Variants in CMKLR2 observed in about 807,000 individuals in gnomAD.
CMKLR2 encodes the protein chemerin chemokine-like receptor 2, also known as chemerin-like receptor 2.
In CMKLR2, 18 loss-of-function variants were observed where a neutral mutation model predicts 23.0. The observed-to-expected ratio is 0.78, with a 90% CI of 0.54 to 1.16. CMKLR2 has a LOEUF of 1.16. CMKLR2 is among the 50% of genes most tolerant of loss of function. The probability of loss-of-function intolerance (pLI) is 0.00; values close to 1 mark genes in which losing one functional copy is unlikely to be tolerated. For missense variants in CMKLR2, 401 were observed against 412.7 expected, an observed-to-expected ratio of 0.97 and a Z score of 0.25; for synonymous variants, 158 against 158.9, an observed-to-expected ratio of 0.99 and a Z score of 0.05.
intron 1 of CMKLR2, among the ~76,000 whole-genome samples, chr2:206,187,762 T>G (rs1688626582): frequency 6.6e-6 from 1 of 152,146 alleles, no homozygotes; most frequent in Admixed American, 6.6e-5. Context: ...TATGCATATA[T>G]ACAAGTAGTT....
At chr2:206,197,392 G>A (rs972134492) in intron 1 of CMKLR2, among the ~76,000 whole-genome samples, 1 of 152,176 alleles carries the variant, frequency 6.6e-6, no homozygotes, top group African/African-American at 2.4e-5. Flanking sequence ...CTAAGGGCAA[G>A]GGTACTTTCA....
At chr2:206,191,283 G>T (rs1262856480) in intron 1 of CMKLR2, among the ~76,000 whole-genome samples, 1 of 152,128 alleles carries the variant, frequency 6.6e-6, no homozygotes, top group Non-Finnish European at 1.5e-5. Context: ...TTAAAAAGTG[G>T]TTAGCTCAGT....
intron 1 of CMKLR2, among the ~76,000 whole-genome samples, chr2:206,184,101 C>G (rs2105806093): frequency 1.3e-5 from 2 of 152,264 alleles, no homozygotes; most frequent in South Asian, 4.1e-4. Context: ...GGTTTGCTGG[C>G]AAACTTTGGC....
At chr2:206,183,060 A>C (rs1359698691) in intron 1 of CMKLR2, among the ~76,000 whole-genome samples, 2 of 151,740 alleles carry the variant, frequency 1.3e-5, no homozygotes, top group African/African-American at 2.4e-5. Context: ...CTGCCCTCTC[A>C]CTTACTCCTT....
chr2:206,210,806 C>T (rs1689534052), intron 1 of CMKLR2, among the ~76,000 whole-genome samples: 2 of 152,304 alleles, frequency 1.3e-5, no homozygotes, highest in South Asian at 4.1e-4. Context: ...AGAAAAAGCT[C>T]TGTCAACTCT....
At chr2:206,188,727 C>T (rs1688659596) in intron 1 of CMKLR2, among the ~76,000 whole-genome samples, 1 of 152,172 alleles carries the variant, frequency 6.6e-6, no homozygotes, top group Non-Finnish European at 1.5e-5. Context: ...GGGTTACTTC[C>T]ACCTAGATAC....
At chr2:206,202,593 T>C in intron 1 of CMKLR2, among the ~76,000 whole-genome samples, 1 of 151,832 alleles carries the variant, frequency 6.6e-6, no homozygotes, top group South Asian at 2.1e-4. Flanking sequence ...CTTGAGTAGC[T>C]GGGGCTGCAG....
Position 206,179,310 on chromosome 2 carries a change from G to A in CMKLR2, c.-28-2035C>T, listed in dbSNP as rs867908722. Among the ~76,000 whole-genome samples the A allele has an allele frequency of 8.1e-5, 12 of 148,966 alleles. No individual in the cohort carries two copies. The South Asian group carries it at 1.1e-3, about 13-fold the overall frequency. On this transcript the variant is annotated intron_variant, in intron 1 of 1. Coordinates refer to ENST00000621141, the MANE Select transcript of CMKLR2 (RefSeq NM_001389445.1). ...GGGTGGTCTCGAACTCCCGACTTCCGGTGATTCGCCCACCTTGGCCTCCCA... is the reference window on the plus strand; with the variant it reads ...GGGTGGTCTCGAACTCCCGACTTCCAGTGATTCGCCCACCTTGGCCTCCCA...
chr2:206,182,270 C>A (rs1437035129), intron 1 of CMKLR2, among the ~76,000 whole-genome samples: 1 of 152,172 alleles, frequency 6.6e-6, no homozygotes, highest in Non-Finnish European at 1.5e-5. Flanking sequence ...ACACAACCTG[C>A]AATTGCAGAG....
rs373418678 is a variant in CMKLR2, at chr2:206,200,961, T to A, written c.-29+12346A>T. Among the ~76,000 whole-genome samples, 6 of 152,348 alleles carry A rather than the reference T, an allele frequency of 3.9e-5. No homozygotes were observed. In the South Asian group the frequency reaches 8.3e-4, roughly 21 times the overall value. ...CTTCCTTGCGTTTTATTTTTACTGT[T>A]ATTTTTTAGCGGTAGGGTCTCACTC... On this transcript the variant is annotated intron_variant, in intron 1 of 1. Coordinates refer to ENST00000621141, the MANE Select transcript of CMKLR2 (RefSeq NM_001389445.1).
chr2:206,207,308 T>A (rs149907514), intron 1 of CMKLR2, among the ~76,000 whole-genome samples: 1 of 151,970 alleles, frequency 6.6e-6, no homozygotes, highest in African/African-American at 2.4e-5. Context: ...ACTTGGCTAA[T>A]TTTGTATTTT....
intron 1 of CMKLR2, among the ~76,000 whole-genome samples, chr2:206,211,792 A>G (rs1689576098): frequency 6.7e-6 from 1 of 148,696 alleles, no homozygotes; most frequent in South Asian, 2.1e-4. Context: ...AAAAGATGGC[A>G]TATAAGCCCT....
rs545925072 is a variant in CMKLR2 at position 206,191,640 on chromosome 2, AT to A, written c.-28-14366del. Among the ~76,000 whole-genome samples the A allele has an allele frequency of 4.9e-4, 73 of 150,172 alleles. 3 individuals are homozygous for A. The South Asian group carries it at 0.015, about 31-fold the overall frequency. On this transcript the variant is annotated intron_variant, in intron 1 of 1. Coordinates refer to ENST00000621141, the MANE Select transcript of CMKLR2 (RefSeq NM_001389445.1). ...GAGTGGTGAGAAAATATTATACTGTATAGTACTATATTTCTCTTACTTCTCT... is the reference window on the plus strand; with the variant it reads ...GAGTGGTGAGAAAATATTATACTGTAAGTACTATATTTCTCTTACTTCTCT...
intron 1 of CMKLR2, among the ~76,000 whole-genome samples, chr2:206,207,402 A>T (rs1285151576): frequency 6.6e-6 from 1 of 152,094 alleles, no homozygotes; most frequent in African/African-American, 2.4e-5. Context: ...GGCCTCCCAG[A>T]GTGCTGGGAT....
intron 1 of CMKLR2, among the ~76,000 whole-genome samples, chr2:206,211,158 T>G (rs1239672290): frequency 6.6e-6 from 1 of 152,114 alleles, no homozygotes; most frequent in African/African-American, 2.4e-5. Context: ...AACTCTGCCT[T>G]TATCCCATGC....
upstream of CMKLR2, among the ~76,000 whole-genome samples, chr2:206,215,249 G>C (rs1405506139): frequency 6.6e-6 from 1 of 152,128 alleles, no homozygotes; most frequent in Non-Finnish European, 1.5e-5. Flanking sequence ...CAGTGAAGGG[G>C]GTACTTAGTA....
chr2:206,191,238 C>T (rs1688737583), intron 1 of CMKLR2, among the ~76,000 whole-genome samples: 1 of 152,162 alleles, frequency 6.6e-6, no homozygotes, highest in South Asian at 2.1e-4. Flanking sequence ...GCACCTAACT[C>T]ATGGGGTTGC....
upstream of CMKLR2, among the ~76,000 whole-genome samples, chr2:206,214,311 A>G (rs2105849189): frequency 6.6e-6 from 1 of 151,470 alleles, no homozygotes; most frequent in African/African-American, 2.4e-5. Context: ...AGCTGGGATT[A>G]CAGGCATGCG....
chr2:206,176,643 C>A lies in CMKLR2; in HGVS notation c.605G>T (p.Arg202Met). The change falls in exon 2 of 2, where the codon AGG becomes ATG. Residue 202 changes from arginine (R) to methionine (M), a missense_variant. By Grantham distance (91) the Arg-to-Met change is moderately conservative. Coordinates refer to ENST00000621141, the MANE Select transcript of CMKLR2 (RefSeq NM_001389445.1). ...TTTCACCCAAGTCAGAACATGGTGCCTGATCAAAGTGAGGTCAGGATCATG... is the reference window on the plus strand; with the variant it reads ...TTTCACCCAAGTCAGAACATGGTGCATGATCAAAGTGAGGTCAGGATCATG... ...QKHDPDLTLIRHHVLTWVKFI... is the reference protein window; with the variant it reads ...QKHDPDLTLIMHHVLTWVKFI... The A allele has an allele frequency of 6.2e-7, 1 of 1,614,110 alleles. No homozygotes were observed. Among genetic ancestry groups the A allele is most frequent in the Non-Finnish European group, 8.5e-7 (1 of 1,179,996 alleles).
Sources: gnomAD v4.1 joint callset for allele counts (sites outside exome capture counted in the v4.1 genomes callset) on GRCh38, gnomAD v4.1.1 for gene constraint, MANE v1.5 for transcripts, NCBI Gene and HGNC (gene_info 2026-07-23, HGNC 2026-07-21) for gene names.